The following NRDE2 variants were observed in gnomAD, a reference collection of about 807,000 sequenced individuals.
The protein encoded by NRDE2 is NRDE-2, necessary for RNA interference, domain containing.
Under a neutral mutation model 124.2 loss-of-function variants are expected in NRDE2, and 76 were observed. The ratio of observed to expected loss-of-function variants is 0.61; its 90% CI spans 0.51 to 0.74. The LOEUF is 0.74. NRDE2 is among the 30% of genes least tolerant of loss of function. The pLI, the probability that NRDE2 is intolerant of heterozygous loss-of-function variation, is 0.00. For synonymous variants in NRDE2, 489 were observed against 528.1 expected (o/e 0.93, Z 1.01); for missense variants, 1,314 against 1,417.3 (o/e 0.93, Z 1.17).
intron 8 of NRDE2, among the ~76,000 whole-genome samples, chr14:90,297,699 T>G (rs1884225861): frequency 6.6e-6 from 1 of 152,166 alleles, no homozygotes; most frequent in Non-Finnish European, 1.5e-5. Flanking sequence ...TTTGGGAGGC[T>G]GAGGCAGGCA....
In NRDE2 at chr14:90,270,307, C is replaced by T. The variant is rs150699564; in HGVS notation, c.*8029G>A. The stretch of plus-strand genomic sequence containing the variant: ...CGCTGGCTGATGATGTAACCCTGGA[C>T]GACCTGATCATGGCTAAAGATGACC... On this transcript the variant is annotated 3_prime_UTR_variant, in exon 14 of 14. Coordinates refer to ENST00000354366, the MANE Select transcript of NRDE2 (RefSeq NM_017970.4). 19 of 1,613,556 alleles carry T rather than the reference C, an allele frequency of 1.2e-5. No individual in the cohort carries two copies. The highest frequency in any genetic ancestry group is 4.5e-5 in the East Asian group (2 of 44,834).
chr14:90,297,555 T>C (rs1295904967), intron 8 of NRDE2, among the ~76,000 whole-genome samples: 1 of 152,184 alleles, frequency 6.6e-6, no homozygotes, highest in South Asian at 2.1e-4. Context: ...AATTACTTTA[T>C]AATAGTCCTA....
intron 12 of NRDE2, among the ~76,000 whole-genome samples, chr14:90,283,786 A>C (rs1004018491): frequency 1.3e-5 from 2 of 148,308 alleles, no homozygotes; most frequent in East Asian, 4.0e-4. Flanking sequence ...CTTGGCTCTC[A>C]CTGCAGCCTC....
At chr14:90,320,603 T>C (rs1162119735) in intron 1 of NRDE2, among the ~76,000 whole-genome samples, 1 of 152,224 alleles carries the variant, frequency 6.6e-6, no homozygotes, top group Non-Finnish European at 1.5e-5. Flanking sequence ...AGGTACTGTT[T>C]TAATCACTGG....
At chr14:90,285,497 T>C (rs1892079482) in intron 12 of NRDE2, among the ~76,000 whole-genome samples, 1 of 151,996 alleles carries the variant, frequency 6.6e-6, no homozygotes, top group Non-Finnish European at 1.5e-5. Flanking sequence ...AGACGGGGTT[T>C]CGCCATGATG....
chr14:90,331,015 C>T (rs1398121200), intron 1 of NRDE2, among the ~76,000 whole-genome samples: 1 of 151,790 alleles, frequency 6.6e-6, no homozygotes, highest in East Asian at 1.9e-4. Flanking sequence ...CGGCCTCAAA[C>T]TTCTGGGCTC....
intron 11 of NRDE2, among the ~76,000 whole-genome samples, chr14:90,287,697 T>C (rs1244189720): frequency 6.6e-6 from 1 of 152,182 alleles, no homozygotes; most frequent in Non-Finnish European, 1.5e-5. Flanking sequence ...CTAGGAATGC[T>C]GACAGAAGCT....
chr14:90,287,980 C>T (rs1321887020), intron 11 of NRDE2, among the ~76,000 whole-genome samples: 1 of 152,196 alleles, frequency 6.6e-6, no homozygotes, highest in Admixed American at 6.5e-5. Context: ...AACATTCATA[C>T]TCCCCAGAAG....
chr14:90,279,035 G>A (rs1891880815), intron 13 of NRDE2, 27 bp downstream of exon 13: 1 of 1,555,346 alleles, frequency 6.4e-7, no homozygotes, highest in Non-Finnish European at 8.9e-7. Context: ...TCGGGAAGCT[G>A]AAGACACCAT....
At chr14:90,311,095 G>A (rs1884820123) in intron 4 of NRDE2, among the ~76,000 whole-genome samples, 1 of 152,088 alleles carries the variant, frequency 6.6e-6, no homozygotes, top group Admixed American at 6.6e-5. Flanking sequence ...TTAAAATTTG[G>A]AGATACAGCA....
intron 10 of NRDE2, 79 bp downstream of exon 10, chr14:90,290,142 C>T (rs577599497): frequency 8.8e-6 from 13 of 1,469,422 alleles, no homozygotes; most frequent in African/African-American, 5.6e-5. Flanking sequence ...GGAGAGCACT[C>T]GGAGGCTTAC....
chr14:90,283,926 T>TGGA (rs1399669051), intron 12 of NRDE2, among the ~76,000 whole-genome samples: 1 of 152,150 alleles, frequency 6.6e-6, no homozygotes, highest in Non-Finnish European at 1.5e-5. Context: ...TTAGCCAAGA[T>TGGA]GGTCTCAATC....
chr14:90,299,250 G>A (rs1353341054), intron 7 of NRDE2, among the ~76,000 whole-genome samples: 3 of 152,100 alleles, frequency 2.0e-5, no homozygotes, highest in East Asian at 1.9e-4. Context: ...GTTTCTCCAC[G>A]TTGGTCAGGC....
chr14:90,324,396 C>T (rs1318379384), intron 1 of NRDE2, among the ~76,000 whole-genome samples: 4 of 152,072 alleles, frequency 2.6e-5, no homozygotes, highest in African/African-American at 9.7e-5. Context: ...ACATTTTAGG[C>T]CGGGCGGGGT....
In NRDE2 at chr14:90,277,575, A is replaced by T. The variant is rs1891831040; in HGVS notation, c.*761T>A. The T allele has an allele frequency of 6.6e-6, 1 of 152,346 alleles. No individual in the cohort carries two copies. The highest frequency in any genetic ancestry group is 2.4e-5 in the African/African-American group (1 of 41,460). The allele number at this position is 152,346 out of a possible 1,614,324, so 9.4% of individuals were successfully genotyped here. On this transcript the variant is annotated 3_prime_UTR_variant, in exon 14 of 14. Coordinates refer to ENST00000354366, the MANE Select transcript of NRDE2 (RefSeq NM_017970.4). ...ATAGTGTAAGCAGCGTTGCTGCACA[A>T]GCGTGCCGGGCCCCTCATGCAGGCA... is the stretch of plus-strand genomic sequence containing the variant.
rs1448768070 is a variant in NRDE2 at position 90,277,429 on chromosome 14, A to G, written c.*907T>C. 2.0e-5 allele frequency: 3 copies of G among 152,292 alleles called. No individual in the cohort carries two copies. The highest frequency in any genetic ancestry group is 7.2e-5 in the African/African-American group (3 of 41,482). 9.4% of individuals were successfully genotyped at this position (152,292 alleles called of 1,614,324 possible). On this transcript the variant is annotated 3_prime_UTR_variant, in exon 14 of 14. Coordinates refer to ENST00000354366, the MANE Select transcript of NRDE2 (RefSeq NM_017970.4). ...TCCTTCCAGCCATATGTTAATAGTG[A>G]AAATCACTCAGCACTAAAAATCTCT...
intron 4 of NRDE2, among the ~76,000 whole-genome samples, chr14:90,305,883 T>C (rs1035337830): frequency 2.6e-5 from 4 of 152,206 alleles, no homozygotes; most frequent in African/African-American, 9.6e-5. Flanking sequence ...GTGCATTACA[T>C]TGCATGTAAA....
chr14:90,290,750 T>A, intron 9 of NRDE2, 143 bp from the exon 10 acceptor site: 1 of 1,078,444 alleles, frequency 9.3e-7, no homozygotes, highest in Non-Finnish European at 1.3e-6. Context: ...AAGCTCTCTG[T>A]TAGCACAAGC....
chr14:90,316,500 T>C, intron 3 of NRDE2, 78 bp downstream of exon 3: 1 of 978,784 alleles, frequency 1.0e-6, no homozygotes, highest in Non-Finnish European at 1.6e-6. Context: ...GTTATTCAAA[T>C]ATCTAATTTG....
Sources: allele counts gnomAD v4.1 joint callset (sites outside exome capture counted in the v4.1 genomes callset), GRCh38; gene constraint gnomAD v4.1.1; transcripts MANE v1.5; gene names NCBI Gene and HGNC (gene_info 2026-07-23, HGNC 2026-07-21).